CNTN3: variants seen among roughly 807,000 people sequenced by gnomAD.
CNTN3 encodes contactin-3.
CNTN3 carries 60 observed loss-of-function variants against 119.1 expected under a neutral mutation model. The observed-to-expected ratio is 0.50, with a 90% CI of 0.41 to 0.62. CNTN3 has a LOEUF of 0.62. Ranked by LOEUF, CNTN3 falls within the 20% of genes least tolerant of loss-of-function variation. The probability of loss-of-function intolerance (pLI) is 0.00; values close to 1 mark genes in which losing one functional copy is unlikely to be tolerated. For synonymous variants in CNTN3, 450 were observed against 438.7 expected, an observed-to-expected ratio of 1.03 and a Z score of -0.32; for missense variants, 1,101 against 1,242.4, an observed-to-expected ratio of 0.89 and a Z score of 1.71.
intron 11 of CNTN3, 78 bp downstream of exon 11, chr3:74,361,812 C>A: frequency 7.1e-7 from 1 of 1,405,508 alleles, no homozygotes; most frequent in South Asian, 1.6e-5. Context: ...TGTTTCATTT[C>A]ATATTTAAAA....
chr3:74,489,179 G>A (rs9866908), intron 3 of CNTN3, among the ~76,000 whole-genome samples: 77 of 152,240 alleles, frequency 5.1e-4, no homozygotes, highest in African/African-American at 1.8e-3. Flanking sequence ...TGTTGGAGAC[G>A]CAGAATCTAT....
At chr3:74,451,088 C>T (rs1702145255) in intron 4 of CNTN3, among the ~76,000 whole-genome samples, 1 of 152,094 alleles carries the variant, frequency 6.6e-6, no homozygotes, top group South Asian at 2.1e-4. Flanking sequence ...GGAATCGCCA[C>T]ACTGACTTCC....
intron 1 of CNTN3, among the ~76,000 whole-genome samples, chr3:74,527,703 T>G (rs1703639201): frequency 1.3e-5 from 2 of 151,960 alleles, no homozygotes; most frequent in African/African-American, 4.8e-5. Context: ...TTTGCTTCAA[T>G]GCTCTTGCTT....
At chr3:74,404,004 G>A (rs1045138545) in intron 5 of CNTN3, among the ~76,000 whole-genome samples, 9 of 151,558 alleles carry the variant, frequency 5.9e-5, no homozygotes, top group African/African-American at 2.2e-4. Context: ...CATCTATTCT[G>A]CTCTTACAAG....
intron 1 of CNTN3, among the ~76,000 whole-genome samples, chr3:74,570,494 C>G (rs994505807): frequency 1.1e-5 from 1 of 87,886 alleles, no homozygotes; most frequent in African/African-American, 4.7e-5. Context: ...ACATTAAATG[C>G]GGGAAAAAAA....
intron 5 of CNTN3, among the ~76,000 whole-genome samples, chr3:74,377,069 C>T (rs1164042890): frequency 6.6e-6 from 1 of 151,946 alleles, no homozygotes; most frequent in East Asian, 1.9e-4. Flanking sequence ...CTACAACCCC[C>T]AAACAAATAG....
intron 20 of CNTN3, among the ~76,000 whole-genome samples, chr3:74,279,930 T>A (rs1353375819): frequency 1.3e-5 from 2 of 152,122 alleles, no homozygotes; most frequent in African/African-American, 4.8e-5. Flanking sequence ...AAAAATAGAA[T>A]GACTAAGACC....
At chr3:74,456,185 T>C (rs1021281540) in intron 4 of CNTN3, among the ~76,000 whole-genome samples, 12 of 151,946 alleles carry the variant, frequency 7.9e-5, no homozygotes, top group Non-Finnish European at 1.5e-4. Flanking sequence ...CTCTTTATTG[T>C]ATAACTTTAA....
chr3:74,285,390 C>T lies in CNTN3; in HGVS notation c.2619G>A (p.Leu873=), dbSNP rs761070542. The T allele has an allele frequency of 1.7e-5, 27 of 1,613,580 alleles. No homozygotes were observed. Among genetic ancestry groups the T allele is most frequent in the East Asian group, 2.2e-5 (1 of 44,790 alleles). The part of the protein sequence containing the change: ...SARLRGLKSN[L]AYYTAVRAYN... ...AAGCCCGGACAGCCGTGTAATAGGC[C>T]AGGTTGCTCTTCAGGCCCCGTAGTC... Residue 873 remains leucine, a synonymous_variant, in exon 20 of 23, where the codon CTG becomes CTA. Coordinates refer to ENST00000263665, the MANE Select transcript of CNTN3 (RefSeq NM_020872.3).
chr3:74,289,146 G>T (rs568113097), intron 19 of CNTN3, among the ~76,000 whole-genome samples: 9 of 152,116 alleles, frequency 5.9e-5, no homozygotes, highest in African/African-American at 1.7e-4. Context: ...CCCAACCAAG[G>T]TTAATTTTTA....
At chr3:74,528,062 G>A (rs1001718044) in intron 1 of CNTN3, among the ~76,000 whole-genome samples, 10 of 151,764 alleles carry the variant, frequency 6.6e-5, no homozygotes, top group Admixed American at 6.6e-4. Flanking sequence ...ATAATGAAAG[G>A]AAAACTAAAT....
intron 1 of CNTN3, among the ~76,000 whole-genome samples, chr3:74,587,806 C>T (rs940240025): frequency 1.3e-5 from 2 of 152,134 alleles, no homozygotes; most frequent in African/African-American, 2.4e-5. Flanking sequence ...TGCCTAATTG[C>T]CCTGGCCAGA....
chr3:74,380,223 T>C (rs1704580746), intron 5 of CNTN3, among the ~76,000 whole-genome samples: 1 of 152,218 alleles, frequency 6.6e-6, no homozygotes, highest in South Asian at 2.1e-4. Context: ...CAAACCAAAA[T>C]GCTGTCAACA....
At chr3:74,317,191 T>C (rs1702853129) in intron 13 of CNTN3, among the ~76,000 whole-genome samples, 1 of 149,608 alleles carries the variant, frequency 6.7e-6, no homozygotes, top group Admixed American at 6.7e-5. Flanking sequence ...ATTTGCTTGG[T>C]AGATCTTCCT....
In CNTN3 at chr3:74,537,104, C is replaced by T. The variant is rs1287379408; in HGVS notation, c.-80-15912G>A. On this transcript the variant is annotated intron_variant, in intron 1 of 22. Coordinates refer to ENST00000263665, the MANE Select transcript of CNTN3 (RefSeq NM_020872.3). ...AATACATACTCTTATGGAGGAGGAA[C>T]AATAGTACAATAGATAACATTAATA... Among the ~76,000 whole-genome samples the T allele has an allele frequency of 4.6e-5, 7 of 151,994 alleles. No homozygotes were observed. The East Asian group carries it at 1.4e-3, about 30-fold the overall frequency.
chr3:74,340,529 A>C (rs1160079873), intron 11 of CNTN3, among the ~76,000 whole-genome samples: 1 of 152,126 alleles, frequency 6.6e-6, no homozygotes, highest in African/African-American at 2.4e-5. Flanking sequence ...TTTTGGGGCC[A>C]TGACACCCAA....
chr3:74,400,804 A>G (rs1217778951), intron 5 of CNTN3, among the ~76,000 whole-genome samples: 1 of 152,166 alleles, frequency 6.6e-6, no homozygotes, highest in Non-Finnish European at 1.5e-5. Flanking sequence ...TATTTATATA[A>G]ACATTTCAAC....
chr3:74,285,609 T>C lies in CNTN3; in HGVS notation c.2518-118A>G. 3.9e-6 allele frequency: 4 copies of C among 1,012,728 alleles called. No individual in the cohort carries two copies. In the South Asian group the frequency reaches 6.3e-5, roughly 16 times the overall value. 62.7% of individuals were successfully genotyped at this position (1,012,728 alleles called of 1,614,324 possible). On this transcript the variant is annotated intron_variant, in intron 19 of 22. Transcript: ENST00000263665. ...CCTGATTTGTTCAACCAATATTTAC[T>C]GAAGACCTACTATGTGCTAGGTGCT...
chr3:74,346,719 C>T (rs564032044), intron 11 of CNTN3, among the ~76,000 whole-genome samples: 112 of 150,936 alleles, frequency 7.4e-4, no homozygotes, highest in Non-Finnish European at 1.4e-3. Flanking sequence ...GCACTTCACT[C>T]GACATCTCAT....
Sources: allele counts gnomAD v4.1 joint callset (sites outside exome capture counted in the v4.1 genomes callset), GRCh38; gene constraint gnomAD v4.1.1; transcripts MANE v1.5; gene names NCBI Gene and HGNC (gene_info 2026-07-23, HGNC 2026-07-21).